Variants in GRID1 observed in about 807,000 individuals in gnomAD.
GRID1 encodes the protein glutamate ionotropic receptor delta type subunit 1.
GRID1 carries 28 observed loss-of-function variants against 98.0 expected under a neutral mutation model. The observed-to-expected ratio is 0.29, with a 90% CI of 0.21 to 0.39. GRID1 has a LOEUF of 0.39. Among genes scored for constraint, GRID1 ranks in the 10% least tolerant of loss-of-function variants. The pLI, the probability that GRID1 is intolerant of heterozygous loss-of-function variation, is 1.00. For synonymous variants in GRID1, 553 were observed against 538.5 expected (o/e 1.03, Z -0.37); for missense variants, 1,111 against 1,340.5 (o/e 0.83, Z 2.67).
At chr10:85,872,612 T>C (rs1843289713) in intron 5 of GRID1, among the ~76,000 whole-genome samples, 1 of 152,184 alleles carries the variant, frequency 6.6e-6, no homozygotes, top group Admixed American at 6.5e-5. Flanking sequence ...CTGGAGTGAG[T>C]GGCTAAGTGG....
At chr10:85,827,297 G>A (rs772562608) in intron 8 of GRID1, among the ~76,000 whole-genome samples, 3 of 152,052 alleles carry the variant, frequency 2.0e-5, no homozygotes, top group Non-Finnish European at 2.9e-5. Context: ...TCATCAGATA[G>A]AGCTAAAAAA....
At chr10:86,345,221 G>A (rs1330817294) in intron 2 of GRID1, among the ~76,000 whole-genome samples, 2 of 152,232 alleles carry the variant, frequency 1.3e-5, no homozygotes, top group African/African-American at 4.8e-5. Flanking sequence ...CATATGTTAT[G>A]AAATGCAGGT....
chr10:85,893,294 C>G (rs1404125816), intron 5 of GRID1, among the ~76,000 whole-genome samples: 2 of 152,092 alleles, frequency 1.3e-5, no homozygotes, highest in Non-Finnish European at 2.9e-5. Context: ...TGATAAAAGG[C>G]TGAATTTTTT....
intron 8 of GRID1, among the ~76,000 whole-genome samples, chr10:85,846,278 A>C (rs1361334997): frequency 6.6e-6 from 1 of 152,204 alleles, no homozygotes; most frequent in East Asian, 1.9e-4. Context: ...TCACACCTAT[A>C]ATCCCAGTAC....
chr10:86,237,702 A>G, intron 2 of GRID1, among the ~76,000 whole-genome samples: 1 of 150,158 alleles, frequency 6.7e-6, no homozygotes, highest in East Asian at 1.9e-4. Flanking sequence ...TCTGTCTCAA[A>G]AAAAAAAAAA....
intron 2 of GRID1, among the ~76,000 whole-genome samples, chr10:86,262,068 G>A (rs568630481): frequency 1.6e-3 from 250 of 152,362 alleles, no homozygotes; most frequent in Non-Finnish European, 2.7e-3. Flanking sequence ...AACACAGCCA[G>A]GAGGTGGCAG....
At chr10:86,143,047 T>C (rs1184869988) in intron 3 of GRID1, among the ~76,000 whole-genome samples, 1 of 152,128 alleles carries the variant, frequency 6.6e-6, no homozygotes, top group Non-Finnish European at 1.5e-5. Flanking sequence ...GGACTGAGGG[T>C]TTACGATCCA....
intron 3 of GRID1, among the ~76,000 whole-genome samples, chr10:86,197,345 C>T (rs1457895712): frequency 1.3e-5 from 2 of 152,000 alleles, no homozygotes; most frequent in Admixed American, 6.6e-5. Context: ...AGCAAGGAGC[C>T]GGAGCTGGAA....
chr10:85,975,625 T>C (rs1281150727), intron 4 of GRID1, among the ~76,000 whole-genome samples: 2 of 150,806 alleles, frequency 1.3e-5, no homozygotes, highest in African/African-American at 4.9e-5. Context: ...GTGTCCAGTC[T>C]ATAGTAAGCT....
At chr10:85,639,426 T>G (rs573644936) in intron 13 of GRID1, among the ~76,000 whole-genome samples, 2 of 152,270 alleles carry the variant, frequency 1.3e-5, no homozygotes, top group Non-Finnish European at 2.9e-5. Context: ...TGAGGAGAAG[T>G]GTAAAAAGTG....
intron 4 of GRID1, among the ~76,000 whole-genome samples, chr10:85,971,561 A>G (rs900520668): frequency 7.2e-5 from 11 of 152,184 alleles, no homozygotes; most frequent in African/African-American, 2.7e-4. Context: ...TTTACAAAAC[A>G]GGATATCCAA....
chr10:85,799,589 G>A (rs181785902), intron 8 of GRID1, among the ~76,000 whole-genome samples: 1 of 152,002 alleles, frequency 6.6e-6, no homozygotes, highest in Admixed American at 6.6e-5. Context: ...TGAACCTAGA[G>A]GACATTACGT....
At chr10:85,899,447 G>A (rs1841347249) in intron 5 of GRID1, among the ~76,000 whole-genome samples, 1 of 152,150 alleles carries the variant, frequency 6.6e-6, no homozygotes, top group Admixed American at 6.6e-5. Flanking sequence ...GGACTGCTGA[G>A]TCTACAGACA....
intron 8 of GRID1, among the ~76,000 whole-genome samples, chr10:85,815,563 G>A (rs1046670255): frequency 6.6e-6 from 1 of 151,914 alleles, no homozygotes; most frequent in African/African-American, 2.4e-5. Context: ...AGTTTAACAA[G>A]GTCACCAGAT....
chr10:85,965,195 A>T (rs981997311), intron 4 of GRID1, among the ~76,000 whole-genome samples: 6 of 152,232 alleles, frequency 3.9e-5, no homozygotes, highest in Non-Finnish European at 7.3e-5. Flanking sequence ...GTGGGAGTGT[A>T]AATTAGTTCA....
intron 8 of GRID1, among the ~76,000 whole-genome samples, chr10:85,739,700 C>T (rs879558718): frequency 2.6e-5 from 4 of 152,084 alleles, no homozygotes; most frequent in Non-Finnish European, 5.9e-5. Context: ...AAAAAATTAT[C>T]GATCTCAAAG....
chr10:86,360,670 T>C (rs1848588452), intron 2 of GRID1, among the ~76,000 whole-genome samples: 1 of 152,210 alleles, frequency 6.6e-6, no homozygotes, highest in Non-Finnish European at 1.5e-5. Context: ...GAATTACTGT[T>C]TACAGAACAC....
At chr10:85,610,857 G>A (rs922468488) in intron 15 of GRID1, among the ~76,000 whole-genome samples, 1 of 152,198 alleles carries the variant, frequency 6.6e-6, no homozygotes, top group Non-Finnish European at 1.5e-5. Context: ...ACATTTCCAT[G>A]CAACCCTTCT....
At position 86,145,096 on chromosome 10, in the gene GRID1, A is replaced by G. The variant is rs192232811; in HGVS notation, c.521-6072T>C. Reference sequence around the variant, plus strand: ...CAACAAATAACACAATTTATGTAACAGTTGCCAAGAAATTAATATCCTCAA... The same window carrying G: ...CAACAAATAACACAATTTATGTAACGGTTGCCAAGAAATTAATATCCTCAA... On this transcript the variant is annotated intron_variant, in intron 3 of 15. Coordinates refer to ENST00000327946, the MANE Select transcript of GRID1 (RefSeq NM_017551.3). Among the ~76,000 whole-genome samples the G allele has an allele frequency of 8.5e-4, 129 of 152,366 alleles. 1 individual carries two copies. Among genetic ancestry groups the G allele is most frequent in the Middle Eastern group, 6.8e-3 (2 of 294 alleles).
Sources: gnomAD v4.1 joint callset for allele counts (sites outside exome capture counted in the v4.1 genomes callset) on GRCh38, gnomAD v4.1.1 for gene constraint, MANE v1.5 for transcripts, NCBI Gene and HGNC (gene_info 2026-07-23, HGNC 2026-07-21) for gene names.